Variants in FSTL5 observed in about 807,000 individuals in gnomAD.
FSTL5 encodes the protein follistatin like 5, also known as follistatin-related protein 5.
A neutral mutation model predicts 89.1 loss-of-function variants in FSTL5; 62 were observed. The observed-to-expected ratio is 0.70, with a 90% CI of 0.57 to 0.86. The LOEUF is 0.86. Among genes scored for constraint, FSTL5 ranks in the 40% least tolerant of loss-of-function variants. FSTL5 has a pLI of 0.00. For missense variants in FSTL5, 1,057 were observed against 1,001.6 expected, an observed-to-expected ratio of 1.06 and a Z score of -0.75; for synonymous variants, 383 against 346.2, an observed-to-expected ratio of 1.11 and a Z score of -1.18.
intron 2 of FSTL5, among the ~76,000 whole-genome samples, chr4:162,048,198 G>T (rs1430012967): frequency 6.6e-6 from 1 of 151,764 alleles, no homozygotes; most frequent in Non-Finnish European, 1.5e-5. Context: ...GTGGTGGCAC[G>T]TGCTTGTATT....
intron 8 of FSTL5, among the ~76,000 whole-genome samples, chr4:161,568,887 GACTA>G (rs1176829927): frequency 1.3e-5 from 2 of 152,122 alleles, no homozygotes; most frequent in Non-Finnish European, 2.9e-5. Flanking sequence ...GTACTAAACT[GACTA>G]ACAAAATTAC....
In FSTL5 at chr4:161,510,397, CCTT is replaced by C. The variant is rs747351563; in HGVS notation, c.1337_1339del (p.Glu446del). The stretch of plus-strand genomic sequence containing the variant: ...AACATAAAAATAATTCAACTTAGTA[CCTT>C]CTTCTCTCCATAATATGTTAGCTAC... On this transcript the variant is annotated inframe_deletion and splice_region_variant, in exon 11 of 16. Coordinates refer to ENST00000306100, the MANE Select transcript of FSTL5 (RefSeq NM_020116.5). 120 of 1,531,782 alleles carry C rather than the reference CCTT, an allele frequency of 7.8e-5. No individual in the cohort carries two copies. In the African/African-American group the frequency reaches 1.6e-3, roughly 21 times the overall value. 94.9% of individuals were successfully genotyped at this position (1,531,782 alleles called of 1,614,324 possible). A position where few individuals can be genotyped will look rare whatever the true frequency, so the allele number is the denominator to read the frequency against.
At chr4:161,525,986 C>T (rs1731206090) in intron 10 of FSTL5, among the ~76,000 whole-genome samples, 1 of 152,020 alleles carries the variant, frequency 6.6e-6, no homozygotes, top group African/African-American at 2.4e-5. Flanking sequence ...CCTTCTTAAA[C>T]CTATAGGCTA....
At chr4:161,500,979 A>C (rs1365921964) in intron 11 of FSTL5, among the ~76,000 whole-genome samples, 1 of 152,024 alleles carries the variant, frequency 6.6e-6, no homozygotes, top group African/African-American at 2.4e-5. Context: ...GCCAGCCCTG[A>C]GCTCTTGTAA....
intron 6 of FSTL5, among the ~76,000 whole-genome samples, chr4:161,746,281 T>TAA: frequency 6.6e-6 from 1 of 152,284 alleles, no homozygotes; most frequent in South Asian, 2.1e-4. Flanking sequence ...TCTAAGAATC[T>TAA]TTTCTAGAAA....
intron 7 of FSTL5, among the ~76,000 whole-genome samples, chr4:161,645,382 ACT>A (rs1255707006): frequency 6.6e-6 from 1 of 150,746 alleles, no homozygotes; most frequent in Non-Finnish European, 1.5e-5. Flanking sequence ...TATTTCTGCC[ACT>A]CACTTACACG....
chr4:161,951,498 A>C (rs1734893538), intron 3 of FSTL5, among the ~76,000 whole-genome samples: 1 of 152,054 alleles, frequency 6.6e-6, no homozygotes, highest in Admixed American at 6.6e-5. Flanking sequence ...TGATATAGTC[A>C]CTTCTCTGTC....
chr4:161,883,985 T>C (rs934234112), intron 4 of FSTL5, among the ~76,000 whole-genome samples: 1 of 152,226 alleles, frequency 6.6e-6, no homozygotes, highest in Non-Finnish European at 1.5e-5. Context: ...TGTGAAGTTA[T>C]GCTTAGCGGT....
intron 6 of FSTL5, among the ~76,000 whole-genome samples, chr4:161,717,249 A>G (rs1739019660): frequency 6.6e-6 from 1 of 152,136 alleles, no homozygotes; most frequent in Non-Finnish European, 1.5e-5. Flanking sequence ...TAGAGATTTT[A>G]TTTCCTGAGC....
At chr4:161,529,683 AT>A (rs1427491056) in intron 10 of FSTL5, among the ~76,000 whole-genome samples, 1 of 141,490 alleles carries the variant, frequency 7.1e-6, no homozygotes, top group Non-Finnish European at 1.5e-5. Context: ...TCATTGATTT[AT>A]TTTTTCCATA....
At chr4:161,553,440 T>C (rs989763410) in intron 8 of FSTL5, among the ~76,000 whole-genome samples, 7 of 151,346 alleles carry the variant, frequency 4.6e-5, no homozygotes, top group Non-Finnish European at 8.9e-5. Context: ...ATTTGATTTA[T>C]TTTTGAGTTT....
At chr4:161,875,695 A>C (rs1044512808) in intron 4 of FSTL5, among the ~76,000 whole-genome samples, 2 of 152,020 alleles carry the variant, frequency 1.3e-5, no homozygotes, top group African/African-American at 4.8e-5. Flanking sequence ...GGATGTTTTG[A>C]CCAATTCTTA....
At chr4:161,635,933 A>G (rs1735673645) in intron 7 of FSTL5, among the ~76,000 whole-genome samples, 2 of 152,172 alleles carry the variant, frequency 1.3e-5, no homozygotes, top group East Asian at 3.9e-4. Context: ...CTTTGATTTC[A>G]CATACCTCTG....
Position 161,384,994 on chromosome 4 carries a change from G to T in FSTL5, c.*753C>A, listed in dbSNP as rs900496570. 2 of 152,104 alleles carry T rather than the reference G, an allele frequency of 1.3e-5. No homozygotes were observed. Among genetic ancestry groups the T allele is most frequent in the Non-Finnish European group, 2.9e-5 (2 of 67,994 alleles). The allele number at this position is 152,104 out of a possible 1,614,324, so 9.4% of individuals were successfully genotyped here. ...ACTCTAGTGATTGAAAGCAAAATGA[G>T]TAGATAGATTGCAAATATTTTGACT... On this transcript the variant is annotated 3_prime_UTR_variant, in exon 16 of 16. Coordinates refer to ENST00000306100, the MANE Select transcript of FSTL5 (RefSeq NM_020116.5).
At chr4:161,637,411 G>A (rs1735761286) in intron 7 of FSTL5, among the ~76,000 whole-genome samples, 1 of 141,676 alleles carries the variant, frequency 7.1e-6, no homozygotes, top group Non-Finnish European at 1.5e-5. Context: ...CATTTTGTAG[G>A]TTGCCTGTTC....
chr4:161,920,274 AC>A, intron 4 of FSTL5, 129 bp downstream of exon 4: 1 of 796,850 alleles, frequency 1.3e-6, no homozygotes, highest in Non-Finnish European at 2.0e-6. Context: ...TTAGTGGAGT[AC>A]TTAGGCTATT....
At chr4:161,658,181 G>A (rs897821899) in intron 6 of FSTL5, among the ~76,000 whole-genome samples, 1 of 152,084 alleles carries the variant, frequency 6.6e-6, no homozygotes, top group Non-Finnish European at 1.5e-5. Flanking sequence ...AGAACATAGG[G>A]AAGGCCAGGC....
At chr4:161,443,206 T>C (rs1170926330) in intron 15 of FSTL5, among the ~76,000 whole-genome samples, 1 of 151,980 alleles carries the variant, frequency 6.6e-6, no homozygotes, top group Non-Finnish European at 1.5e-5. Flanking sequence ...TGCCCATGCC[T>C]GAACTACACA....
At chr4:161,403,999 A>C (rs536663442) in intron 15 of FSTL5, among the ~76,000 whole-genome samples, 1 of 152,308 alleles carries the variant, frequency 6.6e-6, no homozygotes, top group East Asian at 1.9e-4. Flanking sequence ...CCTGAGTGGT[A>C]GCAGTCTTGA....
Sources: gnomAD v4.1 joint callset for allele counts (sites outside exome capture counted in the v4.1 genomes callset) on GRCh38, gnomAD v4.1.1 for gene constraint, MANE v1.5 for transcripts, NCBI Gene and HGNC (gene_info 2026-07-23, HGNC 2026-07-21) for gene names.